The following CSMD3 variants were observed in gnomAD, a reference collection of about 807,000 sequenced individuals.
The protein encoded by CSMD3 is CUB and Sushi multiple domains 3, also known as CUB and sushi domain-containing protein 3.
A neutral mutation model predicts 435.2 loss-of-function variants in CSMD3; 177 were observed. That is an observed-to-expected ratio of 0.41 (90% CI 0.36 to 0.46). The LOEUF is 0.46. Ranked by LOEUF, CSMD3 falls within the 20% of genes least tolerant of loss-of-function variation. The probability of loss-of-function intolerance (pLI) is 0.34; values close to 1 mark genes in which losing one functional copy is unlikely to be tolerated. For synonymous variants in CSMD3, 1,656 were observed against 1,520.5 expected (o/e 1.09, Z -2.07); for missense variants, 4,265 against 4,504.6 (o/e 0.95, Z 1.52).
rs2130109378 is a variant in CSMD3 at position 112,244,438 on chromosome 8, C to T, written c.10358G>A (p.Cys3453Tyr). Residue 3453 changes from cysteine to tyrosine, a missense_variant, in exon 65 of 71, where the codon TGT becomes TAT. Cys to Tyr is a radical substitution (Grantham distance 194). This residue lies in a region of CSMD3 where 3,255 missense variants were observed against 3,380.2 expected (regional missense o/e 0.96). Coordinates refer to ENST00000297405, the MANE Select transcript of CSMD3 (RefSeq NM_198123.2). The stretch of plus-strand genomic sequence containing the variant: ...TCCAGTCCAGGTGTTATCGGATCTA[C>T]ACACTCTATGTTCTGTTCCACCTGC... ...FLAGGTEHRV[C>Y]RSDNTWTGKV... 2 of 1,613,850 alleles carry T rather than the reference C, an allele frequency of 1.2e-6. No individual in the cohort carries two copies. The highest frequency in any genetic ancestry group is 8.5e-7 in the Non-Finnish European group (1 of 1,179,818).
intron 3 of CSMD3, among the ~76,000 whole-genome samples, chr8:113,239,811 A>C (rs2132236339): frequency 6.6e-6 from 1 of 152,302 alleles, no homozygotes; most frequent in African/African-American, 2.4e-5. Context: ...CTATTTTCTT[A>C]GAAAATACAT....
chr8:113,144,153 T>A (rs937105433), intron 4 of CSMD3, among the ~76,000 whole-genome samples: 2 of 150,968 alleles, frequency 1.3e-5, no homozygotes, highest in African/African-American at 2.4e-5. Flanking sequence ...TATTAGATGT[T>A]AAAGTTAAAG....
chr8:112,343,160 G>A (rs73700636), intron 41 of CSMD3, among the ~76,000 whole-genome samples: 6,027 of 151,104 alleles, frequency 0.04, 395 homozygotes, highest in African/African-American at 0.14. Flanking sequence ...ATATATTCAA[G>A]TTTTAATAAA....
At chr8:113,128,003 A>G (rs1235869414) in intron 4 of CSMD3, among the ~76,000 whole-genome samples, 2 of 152,034 alleles carry the variant, frequency 1.3e-5, no homozygotes, top group African/African-American at 4.8e-5. Context: ...AAAGTTCTCT[A>G]TTATCTTTTA....
chr8:112,491,293 T>C (rs1820665842), intron 31 of CSMD3, among the ~76,000 whole-genome samples: 1 of 152,190 alleles, frequency 6.6e-6, no homozygotes, highest in Non-Finnish European at 1.5e-5. Flanking sequence ...GGTAAATATA[T>C]ACACAGAGGT....
chr8:112,531,534 CGAAAGTGAGT>C (rs1395094635), intron 27 of CSMD3, among the ~76,000 whole-genome samples: 2 of 151,936 alleles, frequency 1.3e-5, no homozygotes, highest in East Asian at 3.9e-4. Flanking sequence ...GGTAAAGAGA[CGAAAGTGAGT>C]GAAGGATCAT....
At chr8:112,898,587 G>C (rs2082017120) in intron 10 of CSMD3, among the ~76,000 whole-genome samples, 1 of 151,028 alleles carries the variant, frequency 6.6e-6, no homozygotes, top group Admixed American at 6.6e-5. Context: ...CTTAATAGTA[G>C]TGCTTATTTT....
chr8:113,090,096 T>A (rs990221), intron 5 of CSMD3, among the ~76,000 whole-genome samples: 72,132 of 151,918 alleles, frequency 0.47, 19,588 homozygotes, highest in East Asian at 0.87. Flanking sequence ...TTATGCTTTT[T>A]TTGTATGAAA....
intron 3 of CSMD3, among the ~76,000 whole-genome samples, chr8:113,246,462 G>A (rs2093277229): frequency 6.6e-6 from 1 of 151,984 alleles, no homozygotes; most frequent in Non-Finnish European, 1.5e-5. Flanking sequence ...AATATTCAGT[G>A]TGCAATCATT....
intron 10 of CSMD3, among the ~76,000 whole-genome samples, chr8:112,902,472 A>T (rs2083910970): frequency 6.6e-6 from 1 of 151,366 alleles, no homozygotes; most frequent in African/African-American, 2.4e-5. Flanking sequence ...GAGAAAATTT[A>T]TCTTCTACTC....
intron 22 of CSMD3, among the ~76,000 whole-genome samples, chr8:112,627,702 G>T (rs543323956): frequency 5.9e-5 from 9 of 152,248 alleles, no homozygotes; most frequent in Non-Finnish European, 1.0e-4. Context: ...AGAGATTTGA[G>T]ATTTTAATAA....
At chr8:112,734,810 T>C (rs1009954479) in intron 13 of CSMD3, among the ~76,000 whole-genome samples, 3 of 152,024 alleles carry the variant, frequency 2.0e-5, no homozygotes, top group Non-Finnish European at 2.9e-5. Flanking sequence ...TCAAGTGATA[T>C]GAAATTTCTG....
intron 4 of CSMD3, among the ~76,000 whole-genome samples, chr8:113,134,875 C>A (rs529152121): frequency 6.6e-6 from 1 of 152,044 alleles, no homozygotes; most frequent in South Asian, 2.1e-4. Flanking sequence ...AGGCCCCGTG[C>A]TGCATTAAGA....
chr8:113,180,934 G>T (rs548975899), intron 3 of CSMD3, among the ~76,000 whole-genome samples: 1 of 152,126 alleles, frequency 6.6e-6, no homozygotes, highest in Admixed American at 6.6e-5. Context: ...CAAACATGAG[G>T]CCGCATTTGC....
intron 1 of CSMD3, among the ~76,000 whole-genome samples, chr8:113,336,176 CT>C (rs2094072990): frequency 6.6e-6 from 1 of 151,482 alleles, no homozygotes; most frequent in African/African-American, 2.4e-5. Flanking sequence ...AGATTATTTT[CT>C]TTGTTCCCTC....
intron 3 of CSMD3, among the ~76,000 whole-genome samples, chr8:113,228,490 T>A (rs556909272): frequency 6.6e-6 from 1 of 151,612 alleles, no homozygotes; most frequent in East Asian, 1.9e-4. Flanking sequence ...TATTGTACAT[T>A]CCCTATACTG....
chr8:112,733,089 T>A (rs1587114573), intron 13 of CSMD3, among the ~76,000 whole-genome samples: 1 of 152,258 alleles, frequency 6.6e-6, no homozygotes, highest in East Asian at 1.9e-4. Flanking sequence ...CAACCAGTCC[T>A]CAATAAGAAT....
chr8:113,347,384 T>C (rs1352376095), intron 1 of CSMD3, among the ~76,000 whole-genome samples: 2 of 152,140 alleles, frequency 1.3e-5, no homozygotes, highest in African/African-American at 4.8e-5. Context: ...CTGGAGTCAC[T>C]ATTTACTTTA....
chr8:112,516,315 C>T (rs984694208), intron 28 of CSMD3, among the ~76,000 whole-genome samples: 1 of 151,862 alleles, frequency 6.6e-6, no homozygotes. Context: ...CAAAATGTGT[C>T]GTAAATTCAA....
Sources: gnomAD v4.1 joint callset for allele counts (sites outside exome capture counted in the v4.1 genomes callset) on GRCh38, gnomAD v4.1.1 for gene constraint, gnomAD v4.1.1 regional missense constraint, MANE v1.5 for transcripts, NCBI Gene and HGNC (gene_info 2026-07-23, HGNC 2026-07-21) for gene names.